Variants in SNX2 observed in about 807,000 individuals in gnomAD.
SNX2 encodes the protein sorting nexin-2.
Under a neutral mutation model 69.9 loss-of-function variants are expected in SNX2, and 25 were observed. That is an observed-to-expected ratio of 0.36 (90% CI 0.26 to 0.50). The LOEUF (loss-of-function observed/expected upper bound fraction) is 0.50, where lower values mean the gene tolerates loss of function less well. SNX2 is among the 20% of genes least tolerant of loss of function. The pLI, the probability that SNX2 is intolerant of heterozygous loss-of-function variation, is 0.97. For synonymous variants in SNX2, 229 were observed against 200.4 expected (o/e 1.14, Z -1.20); for missense variants, 551 against 613.3 (o/e 0.90, Z 1.07).
intron 1 of SNX2, chr5:122,775,419 C>T (rs981349570): frequency 1.6e-6 from 2 of 1,264,654 alleles, no homozygotes; most frequent in Non-Finnish European, 2.0e-6. Context: ...CTGCGGCCCG[C>T]GGGTGCCGAC....
intron 3 of SNX2, among the ~76,000 whole-genome samples, chr5:122,801,201 G>C (rs758607162): frequency 5.9e-5 from 9 of 151,994 alleles, no homozygotes; most frequent in Non-Finnish European, 1.3e-4. Context: ...AATTAATTAA[G>C]GAGGTAATTT....
intron 6 of SNX2, among the ~76,000 whole-genome samples, chr5:122,806,508 G>A (rs1472194231): frequency 6.6e-6 from 1 of 152,146 alleles, no homozygotes; most frequent in Admixed American, 6.5e-5. Context: ...TAGGACCTTA[G>A]TTGACCTAAG....
Position 122,827,604 on chromosome 5 carries a change from TATC to T in SNX2, c.1472_1474del (p.Ile491del). ...AACGAGTGAAGGATTTTAAAACCGT[TATC>T]ATCAAGTACTTAGAATCACTAGTTC... On this transcript the variant is annotated inframe_deletion, in exon 14 of 15. Transcript: ENST00000379516. The T allele has an allele frequency of 1.9e-6, 3 of 1,613,476 alleles. No individual in the cohort carries two copies. Among genetic ancestry groups the T allele is most frequent in the Non-Finnish European group, 2.5e-6 (3 of 1,179,558 alleles).
In SNX2 at chr5:122,775,099, C is replaced by T. The variant is rs1176391448; in HGVS notation, c.-5C>T. The T allele has an allele frequency of 1.3e-6, 2 of 1,581,210 alleles. No homozygotes were observed. The highest frequency in any genetic ancestry group is 1.7e-6 in the Non-Finnish European group (2 of 1,165,024). ...CAGCTCGCGCAGTCGTTCGGGTGAG[C>T]GAAGATGGCGGCCGAGAGGGAACCT... On this transcript the variant is annotated 5_prime_UTR_variant, in exon 1 of 15. Coordinates refer to ENST00000379516, the MANE Select transcript of SNX2 (RefSeq NM_003100.4).
intron 14 of SNX2, among the ~76,000 whole-genome samples, chr5:122,828,331 T>TA (rs1447220727): frequency 9.2e-5 from 14 of 152,190 alleles, no homozygotes; most frequent in Non-Finnish European, 1.6e-4. Flanking sequence ...AAATTGTGTT[T>TA]AATTTTTATT....
At chr5:122,784,058 T>G (rs1753030406) in intron 1 of SNX2, among the ~76,000 whole-genome samples, 1 of 152,004 alleles carries the variant, frequency 6.6e-6, no homozygotes, top group Non-Finnish European at 1.5e-5. Context: ...ACTTTTTATA[T>G]TTCCCCTTTG....
At chr5:122,785,126 G>C (rs1208800573) in intron 1 of SNX2, among the ~76,000 whole-genome samples, 2 of 151,756 alleles carry the variant, frequency 1.3e-5, no homozygotes, top group Non-Finnish European at 2.9e-5. Context: ...ATTTGGTAGA[G>C]GTTTGATATC....
intron 2 of SNX2, among the ~76,000 whole-genome samples, chr5:122,796,657 A>G (rs924183166): frequency 5.3e-5 from 8 of 152,248 alleles, no homozygotes; most frequent in Non-Finnish European, 1.2e-4. Flanking sequence ...CTTAACAAGT[A>G]CTAATCTAAA....
chr5:122,817,559 T>G (rs1330536146), intron 10 of SNX2, among the ~76,000 whole-genome samples, 186 bp downstream of exon 10: 7 of 152,120 alleles, frequency 4.6e-5, no homozygotes, highest in Non-Finnish European at 8.8e-5. Flanking sequence ...TACTATCTAG[T>G]TTAGAAGTAG....
At position 122,816,919 on chromosome 5, in the gene SNX2, C is replaced by G; in HGVS notation, c.803C>G (p.Pro268Arg). Residue 268 changes from proline to arginine, a missense_variant, in exon 9 of 15, where the codon CCT becomes CGT. This residue lies in a region of SNX2 where 360 missense variants were observed against 450.4 expected (regional missense o/e 0.80). Coordinates refer to ENST00000379516, the MANE Select transcript of SNX2 (RefSeq NM_003100.4). ...LRQFLESSELPRAVNTQALSG... is the reference protein window; with the variant it reads ...LRQFLESSELRRAVNTQALSG... The stretch of plus-strand genomic sequence containing the variant: ...TTATTTGTCATTCAATTCCAGCTGC[C>G]TAGAGCAGTTAATACACAGGCTCTG... The G allele has an allele frequency of 6.2e-7, 1 of 1,604,644 alleles. No homozygotes were observed. The highest frequency in any genetic ancestry group is 8.5e-7 in the Non-Finnish European group (1 of 1,171,944).
intron 1 of SNX2, among the ~76,000 whole-genome samples, chr5:122,794,975 C>T (rs1057320370): frequency 1.1e-4 from 16 of 151,998 alleles, no homozygotes; most frequent in African/African-American, 3.9e-4. Context: ...GTGAACCAAG[C>T]TCACATCGCT....
rs538764494 is a variant in SNX2 at position 122,815,711 on chromosome 5, A to G, written c.723-185A>G. On this transcript the variant is annotated intron_variant, in intron 7 of 14. Transcript: ENST00000379516. ...AAACTGGATAGTATATCAATTTTCA[A>G]AAGATGAACAAAAACCTTTTTAATT... 140 of 397,182 alleles carry G rather than the reference A, an allele frequency of 3.5e-4. 1 individual carries two copies. The highest frequency in any genetic ancestry group is 2.7e-3 in the Middle Eastern group (4 of 1,478). The allele number at this position is 397,182 out of a possible 1,614,324, so 24.6% of individuals were successfully genotyped here.
chr5:122,775,850 G>T, intron 1 of SNX2: 1 of 905,054 alleles, frequency 1.1e-6, no homozygotes, highest in Non-Finnish European at 1.3e-6. Context: ...CTGAAGGCAG[G>T]ATTAGTCCAG....
At chr5:122,778,910 G>A (rs944997527) in intron 1 of SNX2, among the ~76,000 whole-genome samples, 1 of 152,104 alleles carries the variant, frequency 6.6e-6, no homozygotes, top group Admixed American at 6.6e-5. Context: ...AAACAAAAAA[G>A]GGATGGAGAC....
chr5:122,815,769 G>A, intron 7 of SNX2, 127 bp from the exon 8 acceptor site: 1 of 446,960 alleles, frequency 2.2e-6, no homozygotes, highest in Non-Finnish European at 4.0e-6. Context: ...AGTAATTACA[G>A]TGAGAGTAGT....
intron 14 of SNX2, among the ~76,000 whole-genome samples, chr5:122,828,884 C>A (rs1178911975): frequency 6.6e-6 from 1 of 151,994 alleles, no homozygotes; most frequent in African/African-American, 2.4e-5. Context: ...ATTGGGAGGC[C>A]GAGGCGGGTG....
Position 122,831,428 on chromosome 5 carries a change from G to A in SNX2, c.*1780G>A, listed in dbSNP as rs186238632. Among the ~76,000 whole-genome samples, 41 of 152,160 alleles carry A rather than the reference G, an allele frequency of 2.7e-4. No individual in the cohort carries two copies. The highest frequency in any genetic ancestry group is 2.2e-3 in the Admixed American group (33 of 15,284). Reference sequence around the variant, plus strand: ...TTTGAGGCTATAGTACACTATGATCGTGCCTGTGAATACCCACTAACCTAC... The same window carrying A: ...TTTGAGGCTATAGTACACTATGATCATGCCTGTGAATACCCACTAACCTAC... On this transcript the variant is annotated 3_prime_UTR_variant, in exon 15 of 15. Coordinates refer to ENST00000379516, the MANE Select transcript of SNX2 (RefSeq NM_003100.4).
intron 6 of SNX2, among the ~76,000 whole-genome samples, chr5:122,804,843 TTAAAG>T (rs1477680012): frequency 1.3e-5 from 2 of 152,246 alleles, no homozygotes; most frequent in Admixed American, 1.3e-4. Context: ...TTTTTTTCCT[TTAAAG>T]TAATTATCTT....
chr5:122,782,183 C>T (rs1323453971), intron 1 of SNX2, among the ~76,000 whole-genome samples: 1 of 152,120 alleles, frequency 6.6e-6, no homozygotes, highest in Non-Finnish European at 1.5e-5. Flanking sequence ...TATGTACATA[C>T]CATCTGAATA....
Sources: gnomAD v4.1 joint callset for allele counts (sites outside exome capture counted in the v4.1 genomes callset) on GRCh38, gnomAD v4.1.1 for gene constraint, gnomAD v4.1.1 regional missense constraint, MANE v1.5 for transcripts, NCBI Gene and HGNC (gene_info 2026-07-23, HGNC 2026-07-21) for gene names.